Variants in COPG1 observed in about 807,000 individuals in gnomAD.
The protein encoded by COPG1 is coatomer subunit gamma-1.
COPG1 carries 29 observed loss-of-function variants against 102.8 expected under a neutral mutation model. The ratio of observed to expected loss-of-function variants is 0.28; its 90% confidence interval spans 0.21 to 0.38. COPG1 has a LOEUF of 0.38. COPG1 is among the 10% of genes least tolerant of loss of function. COPG1 has a pLI of 1.00. For missense variants in COPG1, 875 were observed against 1,132.7 expected, an observed-to-expected ratio of 0.77 and a Z score of 3.27; for synonymous variants, 406 against 421.6, an observed-to-expected ratio of 0.96 and a Z score of 0.45.
intron 10 of COPG1, 53 bp downstream of exon 10, chr3:129,257,913 A>G (rs979083138): frequency 5.6e-6 from 9 of 1,594,286 alleles, no homozygotes; most frequent in Non-Finnish European, 7.7e-6. Flanking sequence ...GCTGGGAACT[A>G]GGCCTGGGTT....
At chr3:129,256,631 A>C (rs1021992649) in intron 8 of COPG1, among the ~76,000 whole-genome samples, 1 of 152,204 alleles carries the variant, frequency 6.6e-6, no homozygotes, top group Non-Finnish European at 1.5e-5. Context: ...TTACTGCCTC[A>C]CAAAGCAGCA....
intron 7 of COPG1, among the ~76,000 whole-genome samples, 166 bp from the exon 8 acceptor site, chr3:129,255,902 G>A (rs1939799459): frequency 1.3e-5 from 2 of 152,030 alleles, no homozygotes; most frequent in South Asian, 4.2e-4. Flanking sequence ...CCCATGCCTT[G>A]GGGAGGGACA....
intron 21 of COPG1, among the ~76,000 whole-genome samples, chr3:129,273,315 C>T (rs150769709): frequency 0.017 from 2,559 of 152,314 alleles, 71 homozygotes; most frequent in African/African-American, 0.057. Flanking sequence ...TGAGCCACCG[C>T]GCCCGGCCTA....
At chr3:129,263,253 T>C (rs961976139) in intron 12 of COPG1, among the ~76,000 whole-genome samples, 2 of 151,924 alleles carry the variant, frequency 1.3e-5, no homozygotes, top group African/African-American at 2.4e-5. Context: ...ACAGTGGTGC[T>C]CTTGACTAGT....
At position 129,265,650 on chromosome 3, in the gene COPG1, C is replaced by T; in HGVS notation, c.1326C>T (p.Phe442=). The change falls in exon 14 of 24, where the codon TTC becomes TTT. Residue 442 remains phenylalanine, a synonymous_variant. Coordinates refer to ENST00000314797, the MANE Select transcript of COPG1 (RefSeq NM_016128.4). ...KETGLSHLCE[F]IEDCEFTVLA... ...CAGGGCTGTCACATCTGTGCGAGTTCATCGAGGACTGCGAGTTCACAGTGC... is the reference window on the plus strand; with the variant it reads ...CAGGGCTGTCACATCTGTGCGAGTTTATCGAGGACTGCGAGTTCACAGTGC... 1 of 1,614,208 alleles carries T rather than the reference C, an allele frequency of 6.2e-7. No homozygotes were observed. Among genetic ancestry groups the T allele is most frequent in the South Asian group, 1.1e-5 (1 of 91,072 alleles).
Position 129,267,029 on chromosome 3 carries a change from G to C in COPG1, c.1474G>C (p.Val492Leu). ...CATTCGCTTCCTAAACACAGGTGCT[G>C]TGAGTGCTCTGGCGAAGTTTGGAGC... ...LEHEEVRAGA[V>L]SALAKFGAQN... The change falls in exon 15 of 24, where the codon GTG (valine) becomes CTG (leucine). Residue 492 changes from valine to leucine, a missense_variant. Val to Leu is a conservative substitution (Grantham distance 32). Coordinates refer to ENST00000314797, the MANE Select transcript of COPG1 (RefSeq NM_016128.4). The C allele has an allele frequency of 6.2e-7, 1 of 1,613,670 alleles. No homozygotes were observed.
chr3:129,277,312 A>G lies in COPG1; in HGVS notation c.2513A>G (p.His838Arg). 6.2e-7 allele frequency: 1 copy of G among 1,613,984 alleles called. No individual in the cohort carries two copies. The highest frequency in any genetic ancestry group is 8.5e-7 in the Non-Finnish European group (1 of 1,179,974). ...CTTCTAGGTGTGTTCCGGGGTGGTC[A>G]TGACATCCTGGTGCGCTCCCGGCTG... Reference protein sequence around the residue: ...LLLAGVFRGGHDILVRSRLLL... With the variant: ...LLLAGVFRGGRDILVRSRLLL... The change falls in exon 24 of 24, where the codon CAT (histidine) becomes CGT (arginine). Residue 838 changes from histidine (H) to arginine (R), a missense_variant. Transcript: ENST00000314797.
intron 7 of COPG1, among the ~76,000 whole-genome samples, chr3:129,255,371 G>T (rs1205448330): frequency 6.6e-6 from 1 of 151,794 alleles, no homozygotes; most frequent in African/African-American, 2.4e-5. Flanking sequence ...TAGAGACAGG[G>T]TTTCATCATC....
intron 16 of COPG1, 45 bp downstream of exon 16, chr3:129,268,085 C>T (rs1348437823): frequency 6.7e-7 from 1 of 1,493,298 alleles, no homozygotes; most frequent in East Asian, 2.3e-5. Flanking sequence ...CTTACTGGAG[C>T]TGTGGTTCTC....
intron 21 of COPG1, among the ~76,000 whole-genome samples, chr3:129,273,136 C>G (rs1940212002): frequency 6.6e-6 from 1 of 152,170 alleles, no homozygotes. Flanking sequence ...GATTCTCTTG[C>G]CTCAGCCTCC....
At chr3:129,272,054 C>T (rs1025279406) in intron 19 of COPG1, 145 bp downstream of exon 19, 1 of 1,049,620 alleles carries the variant, frequency 9.5e-7, no homozygotes, top group African/African-American at 1.6e-5. Context: ...ACAGGTCGGT[C>T]TCTCATATCT....
rs769331347 is a variant in COPG1, at chr3:129,268,918, A to AT, written c.1775-11dup. ...CCAGCTGTTGGTCATCACGTGTATA[A>AT]TTTGCTCCTGCAGAAAGTACCCCCA... On this transcript the variant is annotated splice_polypyrimidine_tract_variant and intron_variant, in intron 17 of 23. Coordinates refer to ENST00000314797, the MANE Select transcript of COPG1 (RefSeq NM_016128.4). 6.2e-7 allele frequency: 1 copy of AT among 1,613,476 alleles called. No homozygotes were observed. Among genetic ancestry groups the AT allele is most frequent in the Non-Finnish European group, 8.5e-7 (1 of 1,179,454 alleles).
intron 1 of COPG1, among the ~76,000 whole-genome samples, chr3:129,249,988 C>A (rs1480504473): frequency 6.6e-6 from 1 of 150,426 alleles, no homozygotes; most frequent in East Asian, 2.0e-4. Context: ...CCCCCCCAGG[C>A]CTCAATTTAC....
intron 12 of COPG1, among the ~76,000 whole-genome samples, chr3:129,262,092 T>A (rs1418747376): frequency 6.6e-6 from 1 of 152,108 alleles, no homozygotes; most frequent in Non-Finnish European, 1.5e-5. Context: ...CTTTGCAGGC[T>A]GAAATGACAC....
At position 129,265,740 on chromosome 3, in the gene COPG1, C is replaced by T. The variant is rs79239356; in HGVS notation, c.1416C>T (p.Tyr472=). 0.016 allele frequency: 25,033 copies of T among 1,614,062 alleles called. 1,250 individuals are homozygous for T. The highest frequency in any genetic ancestry group is 0.11 in the African/African-American group (8,444 of 74,984). The part of the protein sequence containing the change: ...EGPKTTNPSK[Y]IRFIYNRVVL... ...CCAAGACCACCAATCCCTCAAAGTA[C>T]ATCCGCTTCATCTATAACCGAGTGG... Residue 472 remains tyrosine, a synonymous_variant, in exon 14 of 24, where the codon TAC becomes TAT. Coordinates refer to ENST00000314797, the MANE Select transcript of COPG1 (RefSeq NM_016128.4).
At chr3:129,252,402 G>A in intron 3 of COPG1, 41 bp downstream of exon 3, 1 of 1,384,490 alleles carries the variant, frequency 7.2e-7, no homozygotes, top group Non-Finnish European at 1.0e-6. Flanking sequence ...ATGGTGCTGG[G>A]GGATTGGAGG....
At chr3:129,254,505 C>A (rs1474665052) in intron 5 of COPG1, 163 bp from the exon 6 acceptor site, 2 of 565,434 alleles carry the variant, frequency 3.5e-6, no homozygotes. Context: ...TTATGAAACT[C>A]CCTCCAGCAG....
At chr3:129,270,424 G>T (rs1940161987) in intron 18 of COPG1, among the ~76,000 whole-genome samples, 1 of 152,126 alleles carries the variant, frequency 6.6e-6, no homozygotes, top group African/African-American at 2.4e-5. Context: ...TCAAGATAAT[G>T]ATATCAGTTT....
chr3:129,251,448 C>T (rs1939698075), intron 2 of COPG1, among the ~76,000 whole-genome samples: 1 of 151,228 alleles, frequency 6.6e-6, no homozygotes, highest in African/African-American at 2.4e-5. Flanking sequence ...GTGGCACGAT[C>T]TCGGCTCAAC....
Sources: gnomAD v4.1 joint callset for allele counts (sites outside exome capture counted in the v4.1 genomes callset) on GRCh38, gnomAD v4.1.1 for gene constraint, MANE v1.5 for transcripts, NCBI Gene and HGNC (gene_info 2026-07-23, HGNC 2026-07-21) for gene names.